The following CCDC192 variants were observed in gnomAD, a reference collection of about 807,000 sequenced individuals.
CCDC192 encodes the protein coiled-coil domain containing 192, also known as coiled-coil domain-containing protein 192.
At chr5:127,706,544 A>G (rs1483440019) in intron 1 of CCDC192, among the ~76,000 whole-genome samples, 2 of 151,622 alleles carry the variant, frequency 1.3e-5, no homozygotes, top group African/African-American at 4.8e-5. Flanking sequence ...AAAAAAAAAA[A>G]AAAGTAAGGC....
At chr5:127,889,625 C>T (rs1484012109) in intron 6 of CCDC192, among the ~76,000 whole-genome samples, 1 of 152,224 alleles carries the variant, frequency 6.6e-6, no homozygotes, top group Non-Finnish European at 1.5e-5. Context: ...TGGTCTTGAA[C>T]TCCTGACCTC....
chr5:127,744,645 C>G (rs763437267), intron 2 of CCDC192, among the ~76,000 whole-genome samples: 16 of 152,180 alleles, frequency 1.1e-4, no homozygotes, highest in Non-Finnish European at 2.4e-4. Context: ...ATTAACTGTT[C>G]TTAATTACAA....
intron 2 of CCDC192, among the ~76,000 whole-genome samples, chr5:127,708,596 G>C (rs1159482917): frequency 6.6e-6 from 1 of 152,098 alleles, no homozygotes; most frequent in Non-Finnish European, 1.5e-5. Flanking sequence ...TCAAGACTTG[G>C]GATGAGGCCA....
intron 6 of CCDC192, among the ~76,000 whole-genome samples, chr5:127,890,675 T>G (rs568904696): frequency 3.0e-4 from 45 of 152,348 alleles, no homozygotes; most frequent in African/African-American, 1.1e-3. Flanking sequence ...CAGTCAAAAA[T>G]TCTTTCATGG....
At chr5:127,747,602 A>T (rs2126855510) in intron 2 of CCDC192, among the ~76,000 whole-genome samples, 1 of 152,168 alleles carries the variant, frequency 6.6e-6, no homozygotes, top group African/African-American at 2.4e-5. Context: ...CATGATTTAT[A>T]GTCCTTTGGG....
chr5:127,733,302 G>A (rs1041317828), intron 2 of CCDC192, among the ~76,000 whole-genome samples: 31 of 152,154 alleles, frequency 2.0e-4, no homozygotes, highest in Admixed American at 2.0e-3. Context: ...CCTACAGCTT[G>A]ATGAGAGAAT....
chr5:127,833,670 C>T (rs1293169928), intron 5 of CCDC192, among the ~76,000 whole-genome samples: 1 of 152,092 alleles, frequency 6.6e-6, no homozygotes. Flanking sequence ...TTGCAGATGA[C>T]CTGTTTGTGC....
chr5:127,709,146 AAGAAG>A (rs1169775914), intron 2 of CCDC192, among the ~76,000 whole-genome samples: 2 of 96,120 alleles, frequency 2.1e-5, no homozygotes, highest in Non-Finnish European at 4.4e-5. Context: ...GGAGGAGAGA[AAGAAG>A]AGAGAGAGAG....
At chr5:127,740,489 G>A (rs527656273) in intron 2 of CCDC192, among the ~76,000 whole-genome samples, 1 of 152,248 alleles carries the variant, frequency 6.6e-6, no homozygotes, top group East Asian at 1.9e-4. Context: ...TAATAAAAGG[G>A]TTTCTCATGA....
At chr5:127,774,399 T>A (rs1468531098) in intron 3 of CCDC192, among the ~76,000 whole-genome samples, 1 of 152,236 alleles carries the variant, frequency 6.6e-6, no homozygotes, top group Non-Finnish European at 1.5e-5. Flanking sequence ...CATATTTAGG[T>A]CGTTGATCTA....
chr5:127,899,105 C>T (rs1453478901), intron 6 of CCDC192, among the ~76,000 whole-genome samples: 3 of 152,120 alleles, frequency 2.0e-5, no homozygotes, highest in African/African-American at 4.8e-5. Flanking sequence ...TACAATGCTG[C>T]TAATTTTAAA....
intron 6 of CCDC192, among the ~76,000 whole-genome samples, chr5:127,888,644 C>G (rs928796583): frequency 6.6e-6 from 1 of 152,026 alleles, no homozygotes; most frequent in African/African-American, 2.4e-5. Context: ...GTCATAGAAG[C>G]AAAAGTTAGA....
At chr5:127,836,329 C>T (rs1298405006) in intron 5 of CCDC192, among the ~76,000 whole-genome samples, 1 of 152,156 alleles carries the variant, frequency 6.6e-6, no homozygotes, top group East Asian at 1.9e-4. Flanking sequence ...GCTTCCCTGC[C>T]CCAGCTGCTT....
chr5:127,836,643 C>A (rs377397362), intron 5 of CCDC192, among the ~76,000 whole-genome samples: 1 of 18,104 alleles, frequency 5.5e-5, no homozygotes, highest in Non-Finnish European at 1.6e-4. Flanking sequence ...CACCTGCAGG[C>A]TCAACACCAT....
chr5:127,750,479 T>C (rs1253019514), intron 2 of CCDC192, among the ~76,000 whole-genome samples: 2 of 151,058 alleles, frequency 1.3e-5, no homozygotes, highest in South Asian at 2.1e-4. Flanking sequence ...GTCTGAGAGA[T>C]AGTTTGTTAT....
At chr5:127,934,415 C>G (rs1013551689) in intron 6 of CCDC192, among the ~76,000 whole-genome samples, 2 of 152,098 alleles carry the variant, frequency 1.3e-5, no homozygotes, top group Non-Finnish European at 2.9e-5. Context: ...CTTTGCCAAC[C>G]AATTGTATTC....
intron 2 of CCDC192, among the ~76,000 whole-genome samples, chr5:127,738,092 T>C (rs952389990): frequency 1.3e-5 from 2 of 152,142 alleles, no homozygotes; most frequent in African/African-American, 4.8e-5. Flanking sequence ...CCATGTTTAG[T>C]GCTTCTTTCA....
At chr5:127,879,845 C>G (rs1171159401) in intron 6 of CCDC192, among the ~76,000 whole-genome samples, 3 of 144,156 alleles carry the variant, frequency 2.1e-5, no homozygotes, top group Non-Finnish European at 4.6e-5. Context: ...AAATGCTCAT[C>G]ATCACTGGCC....
intron 6 of CCDC192, among the ~76,000 whole-genome samples, chr5:127,878,388 AAGG>A (rs1360164713): frequency 6.6e-6 from 1 of 152,208 alleles, no homozygotes; most frequent in Non-Finnish European, 1.5e-5. Flanking sequence ...AAATGTGGGG[AAGG>A]AGAATGCTCC....
Sources: allele counts gnomAD v4.1 joint callset (sites outside exome capture counted in the v4.1 genomes callset), GRCh38; gene constraint gnomAD v4.1.1; transcripts MANE v1.5; gene names NCBI Gene and HGNC (gene_info 2026-07-23, HGNC 2026-07-21).